The following CADM2 variants were observed in gnomAD, a reference collection of about 807,000 sequenced individuals.
CADM2 encodes cell adhesion molecule 2.
A neutral mutation model predicts 49.8 loss-of-function variants in CADM2; 12 were observed. The ratio of observed to expected loss-of-function variants is 0.24; its 90% CI spans 0.15 to 0.39. The LOEUF is 0.39. Among genes scored for constraint, CADM2 ranks in the 10% least tolerant of loss-of-function variants. The pLI is 1.00. For synonymous variants in CADM2, 214 were observed against 175.4 expected (o/e 1.22, Z -1.74); for missense variants, 378 against 492.3 (o/e 0.77, Z 2.20).
At chr3:85,597,964 G>C (rs895250200) in intron 1 of CADM2, among the ~76,000 whole-genome samples, 1 of 151,926 alleles carries the variant, frequency 6.6e-6, no homozygotes, top group Non-Finnish European at 1.5e-5. Context: ...TGTAATAGAG[G>C]TTTTTAATGA....
At chr3:85,930,891 T>A (rs1720501803) in intron 6 of CADM2, among the ~76,000 whole-genome samples, 2 of 149,800 alleles carry the variant, frequency 1.3e-5, no homozygotes, top group Admixed American at 1.3e-4. Flanking sequence ...ATTAATTATA[T>A]GTTAATTAAT....
chr3:85,116,384 G>A (rs1176739854), intron 1 of CADM2, among the ~76,000 whole-genome samples: 1 of 152,116 alleles, frequency 6.6e-6, no homozygotes, highest in Non-Finnish European at 1.5e-5. Flanking sequence ...TTGCTCTTGT[G>A]TAGAGAGATT....
At chr3:86,038,890 A>T (rs1255241193) in intron 8 of CADM2, among the ~76,000 whole-genome samples, 1 of 152,184 alleles carries the variant, frequency 6.6e-6, no homozygotes, top group Admixed American at 6.5e-5. Flanking sequence ...CACCTATATG[A>T]GATTCCATCA....
At chr3:84,971,647 G>A (rs1212256070) in intron 1 of CADM2, among the ~76,000 whole-genome samples, 1 of 152,066 alleles carries the variant, frequency 6.6e-6, no homozygotes, top group Non-Finnish European at 1.5e-5. Context: ...GACTGTGCAA[G>A]TATAGACTAT....
intron 1 of CADM2, among the ~76,000 whole-genome samples, chr3:85,110,454 A>T (rs1190001676): frequency 2.0e-5 from 3 of 151,816 alleles, no homozygotes; most frequent in Non-Finnish European, 2.9e-5. Context: ...TCTTTATAGC[A>T]TGTATAATAC....
At chr3:85,287,325 A>AC (rs2043658304) in intron 1 of CADM2, among the ~76,000 whole-genome samples, 1 of 151,810 alleles carries the variant, frequency 6.6e-6, no homozygotes, top group African/African-American at 2.4e-5. Context: ...GTGAAGGAAT[A>AC]CTTTTTTCTT....
intron 3 of CADM2, among the ~76,000 whole-genome samples, chr3:85,811,056 C>T (rs1031942562): frequency 3.3e-5 from 5 of 152,122 alleles, no homozygotes; most frequent in Non-Finnish European, 7.3e-5. Flanking sequence ...AAGCTGTAAG[C>T]ATCAAGACTG....
chr3:85,549,534 A>G (rs1195430946), intron 1 of CADM2, among the ~76,000 whole-genome samples: 1 of 152,206 alleles, frequency 6.6e-6, no homozygotes, highest in African/African-American at 2.4e-5. Context: ...ATAAAGGAAT[A>G]AGAACAGATA....
intron 1 of CADM2, among the ~76,000 whole-genome samples, chr3:85,452,399 G>A (rs1021039829): frequency 2.0e-5 from 3 of 152,050 alleles, no homozygotes; most frequent in East Asian, 1.9e-4. Context: ...AAGTAGAGAA[G>A]GAATAGTCTG....
At chr3:85,392,334 G>T (rs940861865) in intron 1 of CADM2, among the ~76,000 whole-genome samples, 52 of 152,010 alleles carry the variant, frequency 3.4e-4, no homozygotes, top group African/African-American at 1.2e-3. Context: ...TATCAATGCA[G>T]CCACATAACT....
intron 8 of CADM2, among the ~76,000 whole-genome samples, chr3:85,964,724 A>C (rs1344073213): frequency 2.0e-5 from 3 of 151,750 alleles, no homozygotes; most frequent in Non-Finnish European, 2.9e-5. Flanking sequence ...AAACATTTGC[A>C]CTGTGAAGGT....
intron 1 of CADM2, chr3:85,385,781 G>A (rs1183196391): frequency 2.2e-5 from 3 of 138,788 alleles, no homozygotes; most frequent in East Asian, 4.6e-4. Flanking sequence ...CTGTAAAACA[G>A]CAAAGTGTTT....
At chr3:85,013,931 C>T (rs993498768) in intron 1 of CADM2, among the ~76,000 whole-genome samples, 8 of 144,628 alleles carry the variant, frequency 5.5e-5, no homozygotes, top group Admixed American at 4.2e-4. Context: ...TATATATACG[C>T]AGTGTAATAA....
At chr3:85,377,964 T>C (rs1260895611) in intron 1 of CADM2, among the ~76,000 whole-genome samples, 2 of 152,056 alleles carry the variant, frequency 1.3e-5, no homozygotes, top group African/African-American at 2.4e-5. Flanking sequence ...GTAGCTAAGA[T>C]AGTAATGAAT....
intron 1 of CADM2, among the ~76,000 whole-genome samples, chr3:85,619,651 G>T (rs1214546292): frequency 6.6e-6 from 1 of 152,088 alleles, no homozygotes; most frequent in East Asian, 1.9e-4. Context: ...GGACTTGTGA[G>T]GATTAAGATA....
At chr3:85,542,882 T>C (rs1425348233) in intron 1 of CADM2, among the ~76,000 whole-genome samples, 1 of 152,236 alleles carries the variant, frequency 6.6e-6, no homozygotes, top group Non-Finnish European at 1.5e-5. Flanking sequence ...TTTATAACTT[T>C]AGTAATTGAA....
At chr3:85,158,687 G>T (rs2040219817) in intron 1 of CADM2, among the ~76,000 whole-genome samples, 1 of 152,058 alleles carries the variant, frequency 6.6e-6, no homozygotes, top group Non-Finnish European at 1.5e-5. Context: ...TCTGGGGATT[G>T]TTGTGGGGTG....
At chr3:85,503,231 A>G (rs1453778585) in intron 1 of CADM2, among the ~76,000 whole-genome samples, 1 of 152,204 alleles carries the variant, frequency 6.6e-6, no homozygotes, top group Non-Finnish European at 1.5e-5. Flanking sequence ...ATTTAAAGAA[A>G]TATTTTGATT....
At chr3:85,535,007 A>T (rs2061394977) in intron 1 of CADM2, among the ~76,000 whole-genome samples, 1 of 152,126 alleles carries the variant, frequency 6.6e-6, no homozygotes, top group Non-Finnish European at 1.5e-5. Context: ...TGGAACTGGA[A>T]ATATTTACGT....
Sources: allele counts gnomAD v4.1 joint callset (sites outside exome capture counted in the v4.1 genomes callset), GRCh38; gene constraint gnomAD v4.1.1; transcripts MANE v1.5; gene names NCBI Gene and HGNC (gene_info 2026-07-23, HGNC 2026-07-21).